The following ARHGAP21 variants were observed in gnomAD, a reference collection of about 807,000 sequenced individuals.
ARHGAP21 encodes Rho GTPase activating protein 21.
In ARHGAP21, 38 loss-of-function variants were observed where a neutral mutation model predicts 164.6. The ratio of observed to expected loss-of-function variants is 0.23; its 90% CI spans 0.18 to 0.30. The LOEUF (loss-of-function observed/expected upper bound fraction) is 0.30. Ranked by LOEUF, ARHGAP21 falls within the 10% of genes least tolerant of loss-of-function variation. The probability of loss-of-function intolerance (pLI) is 1.00; values close to 1 mark genes in which losing one functional copy is unlikely to be tolerated. For missense variants in ARHGAP21, 1,822 were observed against 2,370.7 expected (o/e 0.77, Z 4.81); for synonymous variants, 766 against 857.9 (o/e 0.89, Z 1.87).
chr10:24,590,104 T>C (rs2076270169), intron 24 of ARHGAP21: 2 of 1,074,088 alleles, frequency 1.9e-6, no homozygotes, highest in South Asian at 5.9e-5. Context: ...TCTTTCAACA[T>C]TAGGGAAATT....
intron 7 of ARHGAP21, among the ~76,000 whole-genome samples, chr10:24,627,788 T>C (rs1295882315): frequency 1.3e-5 from 2 of 152,232 alleles, no homozygotes; most frequent in Non-Finnish European, 1.5e-5. Context: ...AATCATATCA[T>C]TACAAAATTA....
At chr10:24,624,374 C>A (rs568567482) in intron 7 of ARHGAP21, among the ~76,000 whole-genome samples, 9 of 116,032 alleles carry the variant, frequency 7.8e-5, no homozygotes, top group African/African-American at 3.1e-4. Flanking sequence ...GAGTCTCACT[C>A]TGTTGCCCAG....
At position 24,604,275 on chromosome 10, in the gene ARHGAP21, G is replaced by C. The variant is rs374050319; in HGVS notation, c.2721+37C>G. ...TAAAAGAAGTACTTCTCTATGAAGA[G>C]ATAAACTAAGGTAAGTAGAAACACT... On this transcript the variant is annotated intron_variant, in intron 12 of 25. Coordinates refer to ENST00000396432, the MANE Select transcript of ARHGAP21 (RefSeq NM_020824.4). 1.0e-5 allele frequency: 15 copies of C among 1,456,618 alleles called. No homozygotes were observed. In the African/African-American group the frequency reaches 2.0e-4, roughly 19 times the overall value. The allele number at this position is 1,456,618 out of a possible 1,614,324, so 90.2% of individuals were successfully genotyped here. A position where few individuals can be genotyped will look rare whatever the true frequency, so the allele number is the denominator to read the frequency against.
At chr10:24,598,612 T>A (rs2076681677) in intron 14 of ARHGAP21, among the ~76,000 whole-genome samples, 1 of 152,148 alleles carries the variant, frequency 6.6e-6, no homozygotes, top group Non-Finnish European at 1.5e-5. Flanking sequence ...AAACCCAGAG[T>A]TGACCATAAA....
chr10:24,616,792 C>A (rs1027603329), intron 9 of ARHGAP21, among the ~76,000 whole-genome samples: 1 of 152,260 alleles, frequency 6.6e-6, no homozygotes, highest in Admixed American at 6.5e-5. Flanking sequence ...TCATGAACAG[C>A]TCACATTGTT....
At chr10:24,625,076 G>A (rs1223275483) in intron 7 of ARHGAP21, among the ~76,000 whole-genome samples, 11 of 83,676 alleles carry the variant, frequency 1.3e-4, no homozygotes, top group African/African-American at 1.7e-4. Context: ...GGAGGAGGAG[G>A]AAGAAAATAA....
At chr10:24,636,632 T>C (rs1243651750) in intron 4 of ARHGAP21, among the ~76,000 whole-genome samples, 1 of 152,194 alleles carries the variant, frequency 6.6e-6, no homozygotes, top group African/African-American at 2.4e-5. Flanking sequence ...TGCACCAAGA[T>C]GGCTTAAAGG....
chr10:24,660,110 T>A (rs572469304), intron 4 of ARHGAP21, among the ~76,000 whole-genome samples: 91 of 152,236 alleles, frequency 6.0e-4, no homozygotes, highest in African/African-American at 2.2e-3. Flanking sequence ...TCAAGAATAT[T>A]TAAGACACCT....
chr10:24,598,813 T>C (rs2076692262), intron 14 of ARHGAP21, among the ~76,000 whole-genome samples: 1 of 152,214 alleles, frequency 6.6e-6, no homozygotes. Flanking sequence ...AGAGATCATA[T>C]GATTAAGATC....
intron 25 of ARHGAP21, among the ~76,000 whole-genome samples, chr10:24,586,480 G>C (rs565438812): frequency 6.6e-6 from 1 of 152,102 alleles, no homozygotes; most frequent in Non-Finnish European, 1.5e-5. Flanking sequence ...GCATGGGATA[G>C]GTAAAACAAT....
chr10:24,673,400 C>T (rs1840896479), intron 2 of ARHGAP21, among the ~76,000 whole-genome samples: 1 of 152,186 alleles, frequency 6.6e-6, no homozygotes, highest in South Asian at 2.1e-4. Flanking sequence ...CATTCTACTC[C>T]TAGGTATTTA....
At chr10:24,607,932 T>C (rs1398116356) in intron 9 of ARHGAP21, 29 bp from the exon 10 acceptor site, 1 of 1,570,314 alleles carries the variant, frequency 6.4e-7, no homozygotes, top group Non-Finnish European at 8.6e-7. Flanking sequence ...ATCAGAATGT[T>C]CAATGACCTA....
In ARHGAP21 at chr10:24,619,714, A is replaced by G; in HGVS notation, c.2181T>C (p.Asp727=). Residue 727 remains aspartate, a synonymous_variant, in exon 9 of 26, where the codon GAT becomes GAC. Transcript: ENST00000396432. ...SLQEAETEQS[D]TLDNKEAVIL... ...TGACAGCTTCTTTATTATCTAAAGT[A>G]TCTGATTGCTCAGTTTCAGCCTCTT... 6.2e-7 allele frequency: 1 copy of G among 1,614,188 alleles called. No individual in the cohort carries two copies. The highest frequency in any genetic ancestry group is 8.5e-7 in the Non-Finnish European group (1 of 1,180,036).
chr10:24,685,166 ATTTG>A (rs1450149084), intron 2 of ARHGAP21, among the ~76,000 whole-genome samples: 1 of 152,262 alleles, frequency 6.6e-6, no homozygotes, highest in Admixed American at 6.5e-5. Flanking sequence ...AAATATTCAA[ATTTG>A]TTTGTTTTTT....
At chr10:24,653,089 T>C in intron 4 of ARHGAP21, among the ~76,000 whole-genome samples, 1 of 152,146 alleles carries the variant, frequency 6.6e-6, no homozygotes, top group Non-Finnish European at 1.5e-5. Flanking sequence ...ATAACATACA[T>C]AAGATAAAAA....
At chr10:24,607,078 C>T (rs1317663474) in intron 11 of ARHGAP21, among the ~76,000 whole-genome samples, 2 of 152,006 alleles carry the variant, frequency 1.3e-5, no homozygotes. Flanking sequence ...CAGCATGAGC[C>T]AGGACTATAT....
At position 24,620,172 on chromosome 10, in the gene ARHGAP21, T is replaced by C. The variant is rs750308918; in HGVS notation, c.1723A>G (p.Arg575Gly). 4 of 1,613,878 alleles carry C rather than the reference T, an allele frequency of 2.5e-6. No individual in the cohort carries two copies. The East Asian group carries it at 8.9e-5, about 36-fold the overall frequency. ...VNSDNRRMSGRGVGSVSQFKK... is the reference protein window; with the variant it reads ...VNSDNRRMSGGGVGSVSQFKK... ...AACTGCGACACAGATCCCACTCCTC[T>C]ACCACTCATTCGCCTGTTATCAGAA... Residue 575 changes from arginine (R) to glycine (G), a missense_variant, in exon 9 of 26, where the codon AGA (arginine) becomes GGA (glycine). Physicochemically the swap from Arg to Gly is moderately radical, Grantham distance 125 (BLOSUM62 -2). This residue lies in a region of ARHGAP21 where 1,090 missense variants were observed against 1,378.9 expected (regional missense o/e 0.79). Transcript: ENST00000396432.
chr10:24,612,782 G>A (rs2077324236), intron 9 of ARHGAP21, among the ~76,000 whole-genome samples: 1 of 152,202 alleles, frequency 6.6e-6, no homozygotes, highest in South Asian at 2.1e-4. Flanking sequence ...ATGAACCCGG[G>A]AGGCAGAGCT....
At chr10:24,593,945 T>C (rs929599705) in intron 21 of ARHGAP21, among the ~76,000 whole-genome samples, 17 of 152,214 alleles carry the variant, frequency 1.1e-4, no homozygotes, top group Admixed American at 9.2e-4. Flanking sequence ...CTAAAGGAAG[T>C]AAGCTTCTTG....
Sources: allele counts gnomAD v4.1 joint callset (sites outside exome capture counted in the v4.1 genomes callset), GRCh38; gene constraint gnomAD v4.1.1; regional missense constraint gnomAD v4.1.1; transcripts MANE v1.5; gene names NCBI Gene and HGNC (gene_info 2026-07-23, HGNC 2026-07-21).